WDR27: variants seen among roughly 807,000 people sequenced by gnomAD.
WDR27 encodes the protein WD repeat domain 27, also known as WD repeat-containing protein 27.
WDR27 carries 100 observed loss-of-function variants against 114.4 expected under a neutral mutation model. That is an observed-to-expected ratio of 0.87 (90% CI 0.74 to 1.03). WDR27 has a LOEUF of 1.03. Ranked by LOEUF, WDR27 falls within the 50% of genes least tolerant of loss-of-function variation. The probability of loss-of-function intolerance (pLI) is 0.00; values close to 1 mark genes in which losing one functional copy is unlikely to be tolerated. For missense variants in WDR27, 1,129 were observed against 1,092.9 expected (o/e 1.03, Z -0.47); for synonymous variants, 449 against 423.1 (o/e 1.06, Z -0.75).
downstream of WDR27, among the ~76,000 whole-genome samples, chr6:169,452,744 C>T (rs1450533556): frequency 6.6e-6 from 1 of 152,250 alleles, no homozygotes; most frequent in Non-Finnish European, 1.5e-5. Flanking sequence ...GCCTGAGAGG[C>T]CACGGCCAAA....
At chr6:169,546,067 A>G (rs1245958655) in intron 25 of WDR27, among the ~76,000 whole-genome samples, 3 of 152,146 alleles carry the variant, frequency 2.0e-5, no homozygotes, top group Non-Finnish European at 4.4e-5. Flanking sequence ...CAAAGCCGCA[A>G]TGCAGTATCT....
the WDR27 span, among the ~76,000 whole-genome samples, chr6:169,429,327 C>T: frequency 1.3e-5 from 2 of 152,018 alleles, no homozygotes; most frequent in African/African-American, 2.4e-5. Context: ...CAGCCGCCCC[C>T]GTGCCAAGGA....
At chr6:169,525,173 G>A (rs868615855) in intron 25 of WDR27, among the ~76,000 whole-genome samples, 7 of 152,228 alleles carry the variant, frequency 4.6e-5, no homozygotes, top group Non-Finnish European at 8.8e-5. Flanking sequence ...ATGAAAAAAT[G>A]CTCAATATCA....
At chr6:169,503,666 T>C (rs190951641) in intron 25 of WDR27, among the ~76,000 whole-genome samples, 87 of 152,350 alleles carry the variant, frequency 5.7e-4, no homozygotes, top group African/African-American at 2.1e-3. Flanking sequence ...TTTCAGTACA[T>C]GTGGCTTCCT....
chr6:169,645,313 C>G (rs1451109259), intron 16 of WDR27, among the ~76,000 whole-genome samples: 1 of 150,984 alleles, frequency 6.6e-6, no homozygotes, highest in African/African-American at 2.4e-5. Context: ...GTAGAAAATC[C>G]TAGTTCATAC....
chr6:169,504,824 C>G (rs752272378), intron 25 of WDR27, among the ~76,000 whole-genome samples: 1 of 152,156 alleles, frequency 6.6e-6, no homozygotes, highest in African/African-American at 2.4e-5. Context: ...GTCTCGAACT[C>G]CTGGCCTCAA....
intron 25 of WDR27, among the ~76,000 whole-genome samples, chr6:169,469,267 C>T (rs1208215494): frequency 6.6e-6 from 1 of 152,146 alleles, no homozygotes; most frequent in Non-Finnish European, 1.5e-5. Flanking sequence ...TATCTGTTAA[C>T]CTTTGAAAAC....
chr6:169,498,835 G>A (rs573886037), intron 25 of WDR27, among the ~76,000 whole-genome samples: 30 of 152,264 alleles, frequency 2.0e-4, no homozygotes, highest in African/African-American at 7.0e-4. Flanking sequence ...GTGGGGGAGC[G>A]TGCGTGGTTT....
chr6:169,475,896 T>C (rs1433632501), intron 25 of WDR27, among the ~76,000 whole-genome samples: 1 of 152,206 alleles, frequency 6.6e-6, no homozygotes, highest in Non-Finnish European at 1.5e-5. Flanking sequence ...TCCTACATAT[T>C]TTTTTGGAAT....
intron 13 of WDR27, among the ~76,000 whole-genome samples, chr6:169,657,396 A>G (rs1584956182): frequency 6.6e-6 from 1 of 152,142 alleles, no homozygotes; most frequent in South Asian, 2.1e-4. Flanking sequence ...TGACGCAGGA[A>G]CCCTAGCCCA....
At chr6:169,669,119 T>C (rs967089896) in intron 4 of WDR27, among the ~76,000 whole-genome samples, 2 of 152,250 alleles carry the variant, frequency 1.3e-5, no homozygotes, top group African/African-American at 4.8e-5. Context: ...TTTAAGTTAT[T>C]TCCTTTTGAC....
intron 22 of WDR27, among the ~76,000 whole-genome samples, chr6:169,603,942 G>A (rs955553291): frequency 1.4e-4 from 21 of 152,288 alleles, no homozygotes; most frequent in African/African-American, 5.1e-4. Context: ...AGTAAAGCCT[G>A]TATGATACAG....
At chr6:169,660,312 G>A (rs1440718082) in intron 10 of WDR27, among the ~76,000 whole-genome samples, 2 of 152,176 alleles carry the variant, frequency 1.3e-5, no homozygotes, top group Admixed American at 1.3e-4. Flanking sequence ...GTGCGAGCCT[G>A]GGGCTCTGGG....
intron 25 of WDR27, among the ~76,000 whole-genome samples, chr6:169,490,969 C>A (rs1048637224): frequency 6.6e-6 from 1 of 152,118 alleles, no homozygotes; most frequent in Non-Finnish European, 1.5e-5. Context: ...TTCAGCCATC[C>A]GTACACCACT....
intron 2 of WDR27, among the ~76,000 whole-genome samples, chr6:169,683,873 T>C (rs1296240726): frequency 6.6e-6 from 1 of 152,164 alleles, no homozygotes; most frequent in African/African-American, 2.4e-5. Context: ...TGCTGTTGCA[T>C]TACCCCAGAT....
At chr6:169,628,565 G>A (rs1289214687) in intron 21 of WDR27, among the ~76,000 whole-genome samples, 2 of 152,116 alleles carry the variant, frequency 1.3e-5, no homozygotes, top group East Asian at 1.9e-4. Context: ...TAAACTCCTC[G>A]TAAAACCAAA....
At chr6:169,638,877 G>C (rs1441589324) in intron 17 of WDR27, among the ~76,000 whole-genome samples, 5 of 152,200 alleles carry the variant, frequency 3.3e-5, no homozygotes, top group Non-Finnish European at 7.3e-5. Flanking sequence ...GGCTTCTGAA[G>C]GCAGTTGCTC....
intron 16 of WDR27, among the ~76,000 whole-genome samples, chr6:169,644,815 C>A (rs1820133190): frequency 1.4e-5 from 1 of 69,198 alleles, no homozygotes; most frequent in Admixed American, 1.7e-4. Context: ...CGAGACCATC[C>A]CGGCTAAAAC....
chr6:169,428,371 A>G, the WDR27 span, among the ~76,000 whole-genome samples: 1 of 152,182 alleles, frequency 6.6e-6, no homozygotes, highest in African/African-American at 2.4e-5. Context: ...GCCATTTCAG[A>G]AAGTTTAGAG....
Sources: gnomAD v4.1 joint callset for allele counts (sites outside exome capture counted in the v4.1 genomes callset) on GRCh38, gnomAD v4.1.1 for gene constraint, MANE v1.5 for transcripts, NCBI Gene and HGNC (gene_info 2026-07-23, HGNC 2026-07-21) for gene names.